Variants in NWD2 observed in about 807,000 individuals in gnomAD.
NWD2 encodes the protein NACHT and WD repeat domain-containing protein 2.
Under a neutral mutation model 132.7 loss-of-function variants are expected in NWD2, and 37 were observed. That is an observed-to-expected ratio of 0.28 (90% CI 0.21 to 0.37). The LOEUF (loss-of-function observed/expected upper bound fraction) is 0.37, where lower values mean the gene tolerates loss of function less well. NWD2 is among the 10% of genes least tolerant of loss of function. The probability of loss-of-function intolerance (pLI) is 1.00; values close to 1 mark genes in which losing one functional copy is unlikely to be tolerated. For synonymous variants in NWD2, 705 were observed against 803.0 expected (o/e 0.88, Z 2.06); for missense variants, 1,592 against 2,122.4 (o/e 0.75, Z 4.91).
At chr4:37,332,640 T>C (rs1214624072) in intron 2 of NWD2, among the ~76,000 whole-genome samples, 2 of 152,176 alleles carry the variant, frequency 1.3e-5, no homozygotes, top group African/African-American at 4.8e-5. Flanking sequence ...GTGCTGGTTA[T>C]GGGCATGACC....
At chr4:37,327,122 C>A (rs1443378647) in intron 2 of NWD2, among the ~76,000 whole-genome samples, 1 of 152,140 alleles carries the variant, frequency 6.6e-6, no homozygotes. Flanking sequence ...CCAATTGTTA[C>A]ATAATTTCCA....
intron 3 of NWD2, among the ~76,000 whole-genome samples, chr4:37,370,267 C>G (rs77065086): frequency 6.6e-6 from 1 of 152,106 alleles, no homozygotes; most frequent in Non-Finnish European, 1.5e-5. Flanking sequence ...AGCATTTACA[C>G]TTGCCTATTG....
At chr4:37,367,006 C>A (rs533441687) in intron 3 of NWD2, among the ~76,000 whole-genome samples, 1 of 152,206 alleles carries the variant, frequency 6.6e-6, no homozygotes, top group South Asian at 2.1e-4. Flanking sequence ...ATGCCACATT[C>A]AATAACTGCA....
chr4:37,379,621 C>T (rs1459149615), intron 3 of NWD2, among the ~76,000 whole-genome samples: 1 of 152,100 alleles, frequency 6.6e-6, no homozygotes, highest in Admixed American at 6.6e-5. Context: ...GCAGAACTAA[C>T]CCAGACCGTA....
At chr4:37,350,162 A>G (rs904760411) in intron 2 of NWD2, among the ~76,000 whole-genome samples, 1 of 151,346 alleles carries the variant, frequency 6.6e-6, no homozygotes, top group African/African-American at 2.4e-5. Flanking sequence ...TTGTCTTTAT[A>G]TGGGCTCTTC....
intron 1 of NWD2, among the ~76,000 whole-genome samples, chr4:37,282,772 T>C (rs1378022454): frequency 6.6e-6 from 1 of 152,220 alleles, no homozygotes; most frequent in South Asian, 2.1e-4. Context: ...GAGAATTTAT[T>C]TAACCTCTCA....
chr4:37,393,930 G>A (rs180921928), intron 3 of NWD2, among the ~76,000 whole-genome samples: 37 of 152,300 alleles, frequency 2.4e-4, no homozygotes, highest in Admixed American at 4.6e-4. Flanking sequence ...TGAAAAGAAC[G>A]GTTCCCCAAT....
At chr4:37,272,249 A>G (rs2109263906) in intron 1 of NWD2, among the ~76,000 whole-genome samples, 1 of 151,708 alleles carries the variant, frequency 6.6e-6, no homozygotes, top group South Asian at 2.1e-4. Context: ...CAGGAAGGAT[A>G]TTGTTCTGTA....
intron 1 of NWD2, among the ~76,000 whole-genome samples, chr4:37,306,632 T>G (rs1447158838): frequency 6.6e-6 from 1 of 152,224 alleles, no homozygotes; most frequent in African/African-American, 2.4e-5. Flanking sequence ...TGATTTCTAG[T>G]TATATATTGT....
chr4:37,327,881 C>G (rs1719205849), intron 2 of NWD2, among the ~76,000 whole-genome samples: 1 of 152,040 alleles, frequency 6.6e-6, no homozygotes, highest in Non-Finnish European at 1.5e-5. Flanking sequence ...GCACTGAACC[C>G]AGAACATATG....
rs1577705929 is a variant in NWD2 at position 37,447,408 on chromosome 4, G to C, written c.*191G>C. 1 of 585,070 alleles carries C rather than the reference G, an allele frequency of 1.7e-6. No homozygotes were observed. Among genetic ancestry groups the C allele is most frequent in the East Asian group, 2.8e-5 (1 of 35,706 alleles). 36.2% of individuals were successfully genotyped at this position (585,070 alleles called of 1,614,324 possible). A position where few individuals can be genotyped will look rare whatever the true frequency, so the allele number is the denominator to read the frequency against. On this transcript the variant is annotated 3_prime_UTR_variant, in exon 7 of 7. Transcript: ENST00000309447. ...TGGTCTTTTTGTCAAAGTGTATCCA[G>C]AATGTCAGAATTTCTAGTAGTAATA... is the stretch of plus-strand genomic sequence containing the variant.
intron 4 of NWD2, among the ~76,000 whole-genome samples, chr4:37,431,764 C>T (rs1712186400): frequency 6.6e-6 from 1 of 152,038 alleles, no homozygotes; most frequent in South Asian, 2.1e-4. Flanking sequence ...AAACTAAATC[C>T]AAAGCTAAGA....
At position 37,272,164 on chromosome 4, in the gene NWD2, T is replaced by C. The variant is rs369233441; in HGVS notation, c.151+26946T>C. ...TTCAGATAACCTAACTTGGTCGTGATGTATTAATATTACCTTTTTATATAT... is the reference window on the plus strand; with the variant it reads ...TTCAGATAACCTAACTTGGTCGTGACGTATTAATATTACCTTTTTATATAT... On this transcript the variant is annotated intron_variant, in intron 1 of 6. Coordinates refer to ENST00000309447, the MANE Select transcript of NWD2 (RefSeq NM_001144990.2). Among the ~76,000 whole-genome samples the C allele has an allele frequency of 5.9e-5, 9 of 151,944 alleles. No homozygotes were observed. In the East Asian group the frequency reaches 1.4e-3, roughly 23 times the overall value.
At chr4:37,289,696 A>G (rs905652367) in intron 1 of NWD2, among the ~76,000 whole-genome samples, 23 of 152,200 alleles carry the variant, frequency 1.5e-4, no homozygotes, top group African/African-American at 1.9e-4. Context: ...TAAGTGTACT[A>G]TGAGATGATT....
rs1712653730 is a variant in NWD2 at position 37,446,924 on chromosome 4, G to A, written c.4936G>A (p.Val1646Ile). 1.3e-6 allele frequency: 2 copies of A among 1,551,434 alleles called. No homozygotes were observed. Among genetic ancestry groups the A allele is most frequent in the Non-Finnish European group, 1.7e-6 (2 of 1,146,900 alleles). Residue 1646 changes from valine to isoleucine, a missense_variant, in exon 7 of 7, where the codon GTA becomes ATA. Physicochemically the swap from Val to Ile is conservative, Grantham distance 29. This residue lies in a region of NWD2 where 257 missense variants were observed against 335.0 expected (regional missense o/e 0.77). Coordinates refer to ENST00000309447, the MANE Select transcript of NWD2 (RefSeq NM_001144990.2). This position sits in a 1 kb window ranked among gnomAD's most constrained non-coding sequence, Gnocchi z 6.7. ...DDGSIGIYTV[V>I]DRVDAALKIK... ...TGGGAGTATAGGGATCTACACGGTA[G>A]TAGACCGTGTAGATGCTGCACTGAA...
At chr4:37,365,392 G>A (rs760308771) in intron 3 of NWD2, among the ~76,000 whole-genome samples, 2 of 152,030 alleles carry the variant, frequency 1.3e-5, no homozygotes, top group African/African-American at 4.8e-5. Flanking sequence ...CAACCAAAAT[G>A]TATTTTAAAA....
chr4:37,368,868 T>A (rs1392327466), intron 3 of NWD2, among the ~76,000 whole-genome samples: 1 of 152,204 alleles, frequency 6.6e-6, no homozygotes, highest in Non-Finnish European at 1.5e-5. Context: ...TTGAGATTTG[T>A]AACTAAAGGC....
At chr4:37,420,326 C>G (rs577127987) in intron 3 of NWD2, among the ~76,000 whole-genome samples, 2 of 152,318 alleles carry the variant, frequency 1.3e-5, no homozygotes, top group African/African-American at 4.8e-5. Flanking sequence ...CAACTCCACC[C>G]TCTTTCCACT....
intron 2 of NWD2, among the ~76,000 whole-genome samples, chr4:37,351,170 G>A (rs1719752860): frequency 6.6e-6 from 1 of 152,082 alleles, no homozygotes; most frequent in South Asian, 2.1e-4. Context: ...GCCAGGTTTT[G>A]GTATCAGAAT....
Sources: gnomAD v4.1 joint callset for allele counts (sites outside exome capture counted in the v4.1 genomes callset) on GRCh38, gnomAD v4.1.1 for gene constraint, gnomAD v4.1.1 regional missense constraint, Gnocchi (gnomAD v3.1) non-coding constraint, MANE v1.5 for transcripts, NCBI Gene and HGNC (gene_info 2026-07-23, HGNC 2026-07-21) for gene names.